FSTL4: variants seen among roughly 807,000 people sequenced by gnomAD.
FSTL4 encodes follistatin-related protein 4.
Under a neutral mutation model 78.2 loss-of-function variants are expected in FSTL4, and 28 were observed. The observed-to-expected ratio is 0.36, with a 90% confidence interval of 0.27 to 0.49. FSTL4 has a LOEUF of 0.49. Among genes scored for constraint, FSTL4 ranks in the 20% least tolerant of loss-of-function variants. FSTL4 has a pLI of 0.98. For missense variants in FSTL4, 922 were observed against 1,084.9 expected, an observed-to-expected ratio of 0.85 and a Z score of 2.11; for synonymous variants, 422 against 440.5, an observed-to-expected ratio of 0.96 and a Z score of 0.53.
rs542664603 is a variant in FSTL4 at position 133,409,385 on chromosome 5, C to T, written c.161-8399G>A. 1.1e-4 allele frequency among the ~76,000 whole-genome samples: 16 copies of T among 152,340 alleles called. 1 individual carries two copies. In the South Asian group the frequency reaches 3.3e-3, roughly 32 times the overall value. ...ACAGACAGGTCCTATGGTTTCTCCTCCTTCTGGGAGCCCTTTGCACTGTGT... is the reference window on the plus strand; with the variant it reads ...ACAGACAGGTCCTATGGTTTCTCCTTCTTCTGGGAGCCCTTTGCACTGTGT... On this transcript the variant is annotated intron_variant, in intron 3 of 15. Coordinates refer to ENST00000265342, the MANE Select transcript of FSTL4 (RefSeq NM_015082.2).
Position 133,312,707 on chromosome 5 carries a change from T to C in FSTL4, c.674A>G (p.Asp225Gly). The change falls in exon 6 of 16, where the codon GAC (aspartate) becomes GGC (glycine). Residue 225 changes from aspartate to glycine, a missense_variant. By Grantham distance (94) the Asp-to-Gly change is moderately conservative. Transcript: ENST00000265342. ...CAGGGAGCTGTCACTGTTGTAATCG[T>C]CAAATCGGAGGAGGTCACCTGGTGA... Reference protein sequence around the residue: ...GCSPGDLLRFDDYNSDSSLTL... With the variant: ...GCSPGDLLRFGDYNSDSSLTL... 6.2e-7 allele frequency: 1 copy of C among 1,614,008 alleles called. No individual in the cohort carries two copies. The highest frequency in any genetic ancestry group is 1.3e-5 in the African/African-American group (1 of 75,034).
chr5:133,629,525 G>A, the FSTL4 span, among the ~76,000 whole-genome samples: 2 of 152,086 alleles, frequency 1.3e-5, no homozygotes, highest in South Asian at 2.1e-4. Context: ...ACCAAAAAAA[G>A]CCCAGGACCA....
the FSTL4 span, among the ~76,000 whole-genome samples, chr5:133,719,405 C>T: frequency 4.6e-5 from 7 of 152,094 alleles, no homozygotes; most frequent in African/African-American, 1.4e-4. Flanking sequence ...CGCGATGGCT[C>T]ACACCTGCAA....
chr5:133,269,527 G>A (rs997086398), intron 6 of FSTL4, among the ~76,000 whole-genome samples: 2 of 152,206 alleles, frequency 1.3e-5, no homozygotes, highest in Non-Finnish European at 2.9e-5. Context: ...AGGAACATCC[G>A]TGTCTCAGGG....
the FSTL4 span, among the ~76,000 whole-genome samples, chr5:133,645,488 C>T: frequency 3.3e-5 from 5 of 152,042 alleles, no homozygotes; most frequent in African/African-American, 1.2e-4. Context: ...TACCTTTTTT[C>T]ATTCATTCGA....
intron 6 of FSTL4, among the ~76,000 whole-genome samples, chr5:133,285,198 C>T (rs557102628): frequency 1.3e-5 from 2 of 152,272 alleles, no homozygotes; most frequent in South Asian, 2.1e-4. Flanking sequence ...TATAAATGGG[C>T]AGGGCACTGT....
At chr5:133,774,522 T>C in the FSTL4 span, among the ~76,000 whole-genome samples, 13 of 152,324 alleles carry the variant, frequency 8.5e-5, no homozygotes, top group South Asian at 2.1e-4. Context: ...GCTAAGGTCA[T>C]GTCACTGATA....
chr5:133,732,204 C>T, the FSTL4 span, among the ~76,000 whole-genome samples: 3 of 152,174 alleles, frequency 2.0e-5, no homozygotes, highest in East Asian at 3.8e-4. Flanking sequence ...CCAGGGCCCC[C>T]GAACTTGTTT....
intron 3 of FSTL4, among the ~76,000 whole-genome samples, chr5:133,486,765 G>C (rs888114646): frequency 6.6e-6 from 1 of 152,142 alleles, no homozygotes; most frequent in Non-Finnish European, 1.5e-5. Context: ...AGGAGCTGGC[G>C]GTGGGTGGGC....
Position 133,526,071 on chromosome 5 carries a change from A to C in FSTL4, c.160+41115T>G, listed in dbSNP as rs143466582. 6.3e-3 allele frequency among the ~76,000 whole-genome samples: 955 copies of C among 152,328 alleles called. 16 individuals are homozygous for C. The highest frequency in any genetic ancestry group is 0.022 in the African/African-American group (910 of 41,560). The stretch of plus-strand genomic sequence containing the variant: ...ACACACTGAGGGCCCTGAGGAAAGC[A>C]CGACTTTAACAGATGAACAGCTTTG... On this transcript the variant is annotated intron_variant, in intron 3 of 15. Transcript: ENST00000265342.
chr5:133,662,355 A>C, the FSTL4 span, among the ~76,000 whole-genome samples: 1 of 152,164 alleles, frequency 6.6e-6, no homozygotes, highest in African/African-American at 2.4e-5. Flanking sequence ...ATATTTGCCA[A>C]ATTACAGTGG....
the FSTL4 span, among the ~76,000 whole-genome samples, chr5:133,739,672 G>C: frequency 6.6e-6 from 1 of 152,182 alleles, no homozygotes; most frequent in South Asian, 2.1e-4. Context: ...TGTTTACTGA[G>C]CACCAACCAC....
At chr5:133,635,904 G>A in the FSTL4 span, among the ~76,000 whole-genome samples, 1 of 152,192 alleles carries the variant, frequency 6.6e-6, no homozygotes, top group South Asian at 2.1e-4. Context: ...AGTGGTGAGA[G>A]GAGAGGTCCT....
chr5:133,360,112 C>A (rs1039517286), intron 4 of FSTL4, among the ~76,000 whole-genome samples: 1 of 152,224 alleles, frequency 6.6e-6, no homozygotes, highest in South Asian at 2.1e-4. Flanking sequence ...AGGGCTGGGG[C>A]CTTCATGGGA....
At chr5:133,655,705 TG>T in the FSTL4 span, among the ~76,000 whole-genome samples, 1 of 151,626 alleles carries the variant, frequency 6.6e-6, no homozygotes, top group Non-Finnish European at 1.5e-5. Flanking sequence ...ATATTTTCAG[TG>T]GGAAAAAAAA....
intron 6 of FSTL4, among the ~76,000 whole-genome samples, chr5:133,288,678 A>C (rs1214693435): frequency 6.6e-6 from 1 of 152,146 alleles, no homozygotes; most frequent in African/African-American, 2.4e-5. Context: ...CTGCCTAGGG[A>C]GAGCCTTTGT....
intron 7 of FSTL4, among the ~76,000 whole-genome samples, chr5:133,241,673 C>T (rs1751877837): frequency 6.6e-6 from 1 of 152,206 alleles, no homozygotes. Flanking sequence ...GCATCCCCAG[C>T]TGGGGCGGGA....
In FSTL4 at chr5:133,360,473, ATTTTTTTT is replaced by A. The variant is rs57176651; in HGVS notation, c.409+40257_409+40264del. 1.0e-3 allele frequency among the ~76,000 whole-genome samples: 131 copies of A among 131,020 alleles called. 1 individual carries two copies. The highest frequency in any genetic ancestry group is 3.0e-3 in the African/African-American group (105 of 35,084). 86.0% of individuals were successfully genotyped at this position (131,020 alleles called of 152,430 possible). A position where few individuals can be genotyped will look rare whatever the true frequency, so the allele number is the denominator to read the frequency against. On this transcript the variant is annotated intron_variant, in intron 4 of 15. Coordinates refer to ENST00000265342, the MANE Select transcript of FSTL4 (RefSeq NM_015082.2). ...TCTTAGAGTTTGTTTTCAGGCAATA[ATTTTTTTT>A]TTTTTTTTTTTTTTGCAACAAGTCA...
rs147640135 is a variant in FSTL4 at position 133,203,273 on chromosome 5, A to G, written c.1717-1231T>C. Among the ~76,000 whole-genome samples the G allele has an allele frequency of 5.5e-3, 844 of 152,286 alleles. 10 individuals carry two copies. The highest frequency in any genetic ancestry group is 0.019 in the African/African-American group (806 of 41,568). On this transcript the variant is annotated intron_variant, in intron 14 of 15. Coordinates refer to ENST00000265342, the MANE Select transcript of FSTL4 (RefSeq NM_015082.2). ...GCCACATGTGTAGAAAGGAGGGTCTAGATTTCTGCAGCCTGAGGCTTGGCC... is the reference window on the plus strand; with the variant it reads ...GCCACATGTGTAGAAAGGAGGGTCTGGATTTCTGCAGCCTGAGGCTTGGCC...
Sources: allele counts gnomAD v4.1 joint callset (sites outside exome capture counted in the v4.1 genomes callset), GRCh38; gene constraint gnomAD v4.1.1; transcripts MANE v1.5; gene names NCBI Gene and HGNC (gene_info 2026-07-23, HGNC 2026-07-21).